Variants in SLC16A7 observed in about 807,000 individuals in gnomAD.
SLC16A7 encodes the protein monocarboxylate transporter 2.
In SLC16A7, 33 loss-of-function variants were observed where a neutral mutation model predicts 34.9. That is an observed-to-expected ratio of 0.94 (90% CI 0.72 to 1.26). SLC16A7 has a LOEUF of 1.26. Among genes scored for constraint, SLC16A7 ranks in the 50% most tolerant of loss-of-function variants. The pLI is 0.00. For missense variants in SLC16A7, 573 were observed against 578.1 expected (o/e 0.99, Z 0.09); for synonymous variants, 201 against 206.6 (o/e 0.97, Z 0.23).
chr12:59,681,793 G>A (rs1870768076), intron 2 of SLC16A7, among the ~76,000 whole-genome samples: 1 of 152,142 alleles, frequency 6.6e-6, no homozygotes, highest in Non-Finnish European at 1.5e-5. Context: ...AGGGTCAGCT[G>A]TGGGCATATA....
At chr12:59,600,950 A>G (rs1275831711) in intron 1 of SLC16A7, among the ~76,000 whole-genome samples, 3 of 152,242 alleles carry the variant, frequency 2.0e-5, no homozygotes, top group Non-Finnish European at 2.9e-5. Context: ...CGACAGCTAC[A>G]AGATACTGGC....
At chr12:59,690,393 C>T (rs1871511021) in intron 2 of SLC16A7, among the ~76,000 whole-genome samples, 1 of 151,844 alleles carries the variant, frequency 6.6e-6, no homozygotes, top group Admixed American at 6.6e-5. Context: ...TGCAGATTAA[C>T]AAGAGAAAAA....
chr12:59,754,401 G>T (rs889925041), intron 3 of SLC16A7, among the ~76,000 whole-genome samples: 5 of 151,704 alleles, frequency 3.3e-5, no homozygotes, highest in African/African-American at 1.2e-4. Context: ...TCAAATAGAC[G>T]CAATAAAAAA....
At chr12:59,719,849 T>C (rs904785244) in intron 3 of SLC16A7, 1 of 443,638 alleles carries the variant, frequency 2.3e-6, no homozygotes, top group Non-Finnish European at 3.9e-6. Context: ...GAATAAAAGC[T>C]CCATGGCCTC....
chr12:59,620,336 C>T (rs1879643601), intron 1 of SLC16A7, among the ~76,000 whole-genome samples: 1 of 151,822 alleles, frequency 6.6e-6, no homozygotes, highest in South Asian at 2.1e-4. Context: ...CCTACTGCTT[C>T]ATATAAAAAC....
At chr12:59,633,753 T>C (rs1167155386) in intron 1 of SLC16A7, among the ~76,000 whole-genome samples, 2 of 151,960 alleles carry the variant, frequency 1.3e-5, no homozygotes, top group Non-Finnish European at 2.9e-5. Flanking sequence ...ACATATTCCA[T>C]GTCAACAGGA....
At chr12:59,672,219 T>C (rs559525133) in intron 2 of SLC16A7, among the ~76,000 whole-genome samples, 23 of 107,350 alleles carry the variant, frequency 2.1e-4, no homozygotes, top group African/African-American at 6.5e-4. Flanking sequence ...CGTATATATA[T>C]GTGTATATAT....
At chr12:59,746,102 T>A (rs1878861490) in intron 3 of SLC16A7, among the ~76,000 whole-genome samples, 1 of 152,258 alleles carries the variant, frequency 6.6e-6, no homozygotes, top group Non-Finnish European at 1.5e-5. Context: ...TCTTGGTTAC[T>A]TCTTTGTGTC....
intron 1 of SLC16A7, among the ~76,000 whole-genome samples, chr12:59,597,566 A>G (rs114628438): frequency 5.1e-4 from 78 of 152,326 alleles, no homozygotes; most frequent in African/African-American, 1.9e-3. Context: ...TGGAACCACA[A>G]GCACTAAGTA....
At chr12:59,733,744 G>A (rs1162086179) in intron 3 of SLC16A7, 2 of 456,050 alleles carry the variant, frequency 4.4e-6, no homozygotes, top group South Asian at 1.5e-5. Context: ...CTCACCTCCA[G>A]GAAGAATGAA....
At chr12:59,759,086 C>G (rs11173133) in intron 3 of SLC16A7, among the ~76,000 whole-genome samples, 5 of 151,632 alleles carry the variant, frequency 3.3e-5, no homozygotes, top group Admixed American at 2.6e-4. Flanking sequence ...ACTACATATA[C>G]TAATCTAATC....
At chr12:59,776,479 T>G (rs2137465699) in intron 5 of SLC16A7, among the ~76,000 whole-genome samples, 1 of 152,340 alleles carries the variant, frequency 6.6e-6, no homozygotes, top group South Asian at 2.1e-4. Context: ...GTATATTGTT[T>G]TGGTTAATAC....
At position 59,596,859 on chromosome 12, in the gene SLC16A7, G is replaced by A. The variant is rs1048377086; in HGVS notation, c.-130+623G>A. On this transcript the variant is annotated intron_variant, in intron 1 of 5. Transcript: ENST00000547379. The surrounding 1 kb of genome is among the most constrained non-coding windows in gnomAD (Gnocchi z 5.0). ...TCATTTTTGGTCCCCAGGAAGGATG[G>A]CAGGGGTGGAAGCAGATGGAAAACT... Among the ~76,000 whole-genome samples, 4 of 152,206 alleles carry A rather than the reference G, an allele frequency of 2.6e-5. No individual in the cohort carries two copies. The highest frequency in any genetic ancestry group is 1.3e-4 in the Admixed American group (2 of 15,286).
At chr12:59,675,967 T>A (rs1225967804) in intron 2 of SLC16A7, among the ~76,000 whole-genome samples, 1 of 152,152 alleles carries the variant, frequency 6.6e-6, no homozygotes, top group Non-Finnish European at 1.5e-5. Flanking sequence ...AAATCTTCCT[T>A]CACATAATCT....
chr12:59,659,102 G>A (rs1868691985), intron 2 of SLC16A7, among the ~76,000 whole-genome samples: 1 of 151,884 alleles, frequency 6.6e-6, no homozygotes. Flanking sequence ...GAATGTATGT[G>A]GTGATCAATT....
chr12:59,741,401 T>TG (rs1878323008), intron 3 of SLC16A7, among the ~76,000 whole-genome samples: 2 of 152,180 alleles, frequency 1.3e-5, no homozygotes, highest in Admixed American at 6.6e-5. Flanking sequence ...CCTGGACAGA[T>TG]GCCAGAAATT....
At chr12:59,622,343 C>G in intron 1 of SLC16A7, among the ~76,000 whole-genome samples, 1 of 151,776 alleles carries the variant, frequency 6.6e-6, no homozygotes, top group East Asian at 1.9e-4. Context: ...CATTTCAGTC[C>G]TACATATATT....
chr12:59,678,633 T>C (rs915569206), intron 2 of SLC16A7, among the ~76,000 whole-genome samples: 3 of 152,106 alleles, frequency 2.0e-5, no homozygotes, highest in Non-Finnish European at 4.4e-5. Flanking sequence ...TGCCTCCTGA[T>C]TGGCTCATGG....
At chr12:59,717,318 A>G (rs953174270) in intron 3 of SLC16A7, among the ~76,000 whole-genome samples, 2 of 152,206 alleles carry the variant, frequency 1.3e-5, no homozygotes, top group Non-Finnish European at 2.9e-5. Context: ...AGAGGTTGTC[A>G]TTAACTTTCC....
Sources: allele counts gnomAD v4.1 joint callset (sites outside exome capture counted in the v4.1 genomes callset), GRCh38; gene constraint gnomAD v4.1.1; non-coding constraint Gnocchi (gnomAD v3.1); transcripts MANE v1.5; gene names NCBI Gene and HGNC (gene_info 2026-07-23, HGNC 2026-07-21).